NEGR1: variants seen among roughly 807,000 people sequenced by gnomAD.
The protein encoded by NEGR1 is IgLON family member 4.
A neutral mutation model predicts 40.9 loss-of-function variants in NEGR1; 10 were observed. That is an observed-to-expected ratio of 0.24 (90% CI 0.15 to 0.42). NEGR1 has a LOEUF of 0.42. Ranked by LOEUF, NEGR1 falls within the 10% of genes least tolerant of loss-of-function variation. The pLI is 1.00. For synonymous variants in NEGR1, 185 were observed against 166.8 expected, an observed-to-expected ratio of 1.11 and a Z score of -0.84; for missense variants, 352 against 438.9, an observed-to-expected ratio of 0.80 and a Z score of 1.77.
intron 6 of NEGR1, among the ~76,000 whole-genome samples, chr1:71,459,384 T>C (rs188834715): frequency 6.6e-6 from 1 of 152,224 alleles, no homozygotes; most frequent in African/African-American, 2.4e-5. Context: ...TCCACTAATA[T>C]GAGGCTTCCT....
At chr1:71,595,681 G>A (rs531934978) in intron 5 of NEGR1, among the ~76,000 whole-genome samples, 1 of 152,172 alleles carries the variant, frequency 6.6e-6, no homozygotes, top group African/African-American at 2.4e-5. Context: ...TCTTGAGAAG[G>A]TCAGAGCCAA....
chr1:71,955,604 A>G (rs1646113132), intron 1 of NEGR1, among the ~76,000 whole-genome samples: 1 of 152,190 alleles, frequency 6.6e-6, no homozygotes, highest in Non-Finnish European at 1.5e-5. Flanking sequence ...GATTTACCAT[A>G]TAGATCAGTT....
intron 6 of NEGR1, among the ~76,000 whole-genome samples, chr1:71,564,393 T>G (rs1045028227): frequency 6.6e-6 from 1 of 152,114 alleles, no homozygotes; most frequent in African/African-American, 2.4e-5. Flanking sequence ...TTGGACCCAG[T>G]TCTGTGACTC....
At chr1:71,607,761 T>A (rs1650116465) in intron 5 of NEGR1, among the ~76,000 whole-genome samples, 1 of 152,190 alleles carries the variant, frequency 6.6e-6, no homozygotes, top group Non-Finnish European at 1.5e-5. Flanking sequence ...TGGAGCAATC[T>A]CGGCTCACTG....
chr1:71,767,692 A>T (rs553885480), intron 3 of NEGR1, among the ~76,000 whole-genome samples: 1 of 152,238 alleles, frequency 6.6e-6, no homozygotes, highest in Admixed American at 6.5e-5. Flanking sequence ...AGGCTGATAG[A>T]AAAATGAGGA....
intron 1 of NEGR1, among the ~76,000 whole-genome samples, chr1:72,009,076 T>A (rs1843582): frequency 0.57 from 86,038 of 151,616 alleles, 26,787 homozygotes; most frequent in African/African-American, 0.82. Context: ...TCTAATATGT[T>A]ATGGCTACTA....
chr1:71,751,435 C>T (rs1421347238), intron 3 of NEGR1, among the ~76,000 whole-genome samples: 1 of 152,154 alleles, frequency 6.6e-6, no homozygotes. Flanking sequence ...ATTTAAGAGG[C>T]TCTGTTGAGG....
At chr1:71,807,898 A>G (rs1557660085) in intron 2 of NEGR1, among the ~76,000 whole-genome samples, 1 of 152,190 alleles carries the variant, frequency 6.6e-6, no homozygotes, top group East Asian at 1.9e-4. Context: ...AAAAATGCAT[A>G]AAAAGGAGAT....
intron 6 of NEGR1, among the ~76,000 whole-genome samples, chr1:71,586,343 A>G (rs769878690): frequency 6.6e-6 from 1 of 152,200 alleles, no homozygotes; most frequent in Non-Finnish European, 1.5e-5. Flanking sequence ...GAGAGGCTTC[A>G]AGGCCGCTAT....
At chr1:71,804,922 G>A (rs1286048709) in intron 2 of NEGR1, among the ~76,000 whole-genome samples, 1 of 152,170 alleles carries the variant, frequency 6.6e-6, no homozygotes, top group Non-Finnish European at 1.5e-5. Context: ...TCTTTCAAAA[G>A]CAAATGGGAG....
At chr1:72,211,998 A>G (rs1653626710) in intron 1 of NEGR1, among the ~76,000 whole-genome samples, 1 of 152,006 alleles carries the variant, frequency 6.6e-6, no homozygotes, top group Non-Finnish European at 1.5e-5. Flanking sequence ...TAAAATATGT[A>G]AGTGTAGAAT....
At chr1:72,230,330 A>G (rs1654323749) in intron 1 of NEGR1, among the ~76,000 whole-genome samples, 1 of 152,110 alleles carries the variant, frequency 6.6e-6, no homozygotes, top group African/African-American at 2.4e-5. Flanking sequence ...ATTTTCAACT[A>G]ATATCTAACT....
At chr1:71,510,093 C>T (rs368695325) in intron 6 of NEGR1, among the ~76,000 whole-genome samples, 4 of 152,114 alleles carry the variant, frequency 2.6e-5, no homozygotes, top group African/African-American at 9.7e-5. Context: ...AATGGGTTGG[C>T]TAGAAGGTTG....
intron 2 of NEGR1, among the ~76,000 whole-genome samples, chr1:71,828,836 T>A (rs2101787395): frequency 6.6e-6 from 1 of 152,080 alleles, no homozygotes; most frequent in South Asian, 2.1e-4. Context: ...AAAAAAAGGT[T>A]TGGCTTATGT....
chr1:71,711,173 T>C (rs1040364363), intron 3 of NEGR1, among the ~76,000 whole-genome samples: 1 of 139,978 alleles, frequency 7.1e-6, no homozygotes, highest in Non-Finnish European at 1.6e-5. Context: ...CTGTCTCTAC[T>C]AAAAAAAAAA....
chr1:72,090,169 T>C (rs766335467), intron 1 of NEGR1, among the ~76,000 whole-genome samples: 28 of 152,162 alleles, frequency 1.8e-4, no homozygotes, highest in Middle Eastern at 3.4e-3. Flanking sequence ...TTCCTGTAGA[T>C]TTAATCATTT....
At chr1:71,733,920 CT>C (rs1654965013) in intron 3 of NEGR1, among the ~76,000 whole-genome samples, 1 of 152,140 alleles carries the variant, frequency 6.6e-6, no homozygotes, top group South Asian at 2.1e-4. Context: ...TATGTTGAAA[CT>C]TCTCAACATT....
Position 71,574,446 on chromosome 1 carries a change from C to G in NEGR1, c.940+18371G>C, listed in dbSNP as rs1648899942. Among the ~76,000 whole-genome samples the G allele has an allele frequency of 2.0e-5, 3 of 152,092 alleles. No individual in the cohort carries two copies. The South Asian group carries it at 6.2e-4, about 32-fold the overall frequency. On this transcript the variant is annotated intron_variant, in intron 6 of 6. Coordinates refer to ENST00000357731, the MANE Select transcript of NEGR1 (RefSeq NM_173808.3). ...TCTACAGTCTTTTTTAGCACAGTTG[C>G]AAAAAATAAAGTATTAGGAAAACTG...
chr1:71,450,941 A>C (rs1220007168), intron 6 of NEGR1, among the ~76,000 whole-genome samples: 1 of 152,212 alleles, frequency 6.6e-6, no homozygotes, highest in African/African-American at 2.4e-5. Flanking sequence ...TTTTAAAAAA[A>C]GTGGTAGCAA....
Sources: allele counts gnomAD v4.1 joint callset (sites outside exome capture counted in the v4.1 genomes callset), GRCh38; gene constraint gnomAD v4.1.1; transcripts MANE v1.5; gene names NCBI Gene and HGNC (gene_info 2026-07-23, HGNC 2026-07-21).